The following DLG2 variants were observed in gnomAD, a reference collection of about 807,000 sequenced individuals.
DLG2 encodes disks large homolog 2.
A neutral mutation model predicts 132.5 loss-of-function variants in DLG2; 45 were observed. The observed-to-expected ratio is 0.34, with a 90% CI of 0.27 to 0.44. DLG2 has a LOEUF of 0.44. DLG2 is among the 20% of genes least tolerant of loss of function. The probability of loss-of-function intolerance (pLI) is 1.00; values close to 1 mark genes in which losing one functional copy is unlikely to be tolerated. For synonymous variants in DLG2, 424 were observed against 419.6 expected, an observed-to-expected ratio of 1.01 and a Z score of -0.13; for missense variants, 1,045 against 1,196.9, an observed-to-expected ratio of 0.87 and a Z score of 1.87.
chr11:84,811,823 C>T (rs2076591822), intron 6 of DLG2, among the ~76,000 whole-genome samples: 1 of 152,144 alleles, frequency 6.6e-6, no homozygotes. Context: ...TAAAGTAGCT[C>T]AGAATCTATT....
intron 6 of DLG2, among the ~76,000 whole-genome samples, chr11:84,873,615 A>C (rs570008697): frequency 6.6e-6 from 1 of 152,344 alleles, no homozygotes; most frequent in East Asian, 1.9e-4. Context: ...ATGAGAGAAC[A>C]AAGATTTCCT....
chr11:84,247,618 G>A (rs1269757004), intron 8 of DLG2, among the ~76,000 whole-genome samples: 1 of 151,992 alleles, frequency 6.6e-6, no homozygotes, highest in Non-Finnish European at 1.5e-5. Context: ...CTTACTTAAG[G>A]CATTTTCATG....
chr11:83,646,760 C>T (rs1004833319), intron 18 of DLG2: 54 of 152,326 alleles, frequency 3.5e-4, no homozygotes, highest in African/African-American at 1.3e-3. Context: ...CAATGCCCCT[C>T]TTAAGATGGG....
At chr11:84,187,839 C>T (rs963890983) in intron 8 of DLG2, among the ~76,000 whole-genome samples, 1 of 152,042 alleles carries the variant, frequency 6.6e-6, no homozygotes, top group African/African-American at 2.4e-5. Flanking sequence ...TATCTGACTG[C>T]TTTAAACATA....
chr11:85,131,352 G>C (rs2075693521), intron 5 of DLG2, among the ~76,000 whole-genome samples: 1 of 151,752 alleles, frequency 6.6e-6, no homozygotes. Flanking sequence ...TTATAATTTG[G>C]GAATAAATAA....
At chr11:85,076,076 C>G (rs2066504517) in intron 6 of DLG2, among the ~76,000 whole-genome samples, 1 of 151,878 alleles carries the variant, frequency 6.6e-6, no homozygotes, top group South Asian at 2.1e-4. Flanking sequence ...GCTTGTTGGT[C>G]AATCTTTCAT....
At chr11:83,580,639 G>A (rs2096954396) in intron 19 of DLG2, among the ~76,000 whole-genome samples, 1 of 152,138 alleles carries the variant, frequency 6.6e-6, no homozygotes, top group South Asian at 2.1e-4. Flanking sequence ...ATTACATTGG[G>A]TGATATATTT....
intron 4 of DLG2, among the ~76,000 whole-genome samples, chr11:85,157,468 C>T (rs1349688781): frequency 6.6e-6 from 1 of 152,078 alleles, no homozygotes; most frequent in Non-Finnish European, 1.5e-5. Context: ...ATGCATTTGA[C>T]ATTCCTGATT....
intron 18 of DLG2, among the ~76,000 whole-genome samples, chr11:83,782,348 C>G (rs2094862843): frequency 6.6e-6 from 1 of 152,178 alleles, no homozygotes; most frequent in South Asian, 2.1e-4. Flanking sequence ...TAGTCAAATT[C>G]ATATTGCATG....
chr11:84,871,877 G>T (rs1206706059), intron 6 of DLG2, among the ~76,000 whole-genome samples: 1 of 152,116 alleles, frequency 6.6e-6, no homozygotes, highest in Non-Finnish European at 1.5e-5. Context: ...GTTTCACCAT[G>T]TTGGCCAGGC....
At chr11:83,786,841 T>C (rs1347726158) in intron 17 of DLG2, 49 bp from the exon 18 acceptor site, 3 of 1,562,944 alleles carry the variant, frequency 1.9e-6, no homozygotes, top group Non-Finnish European at 2.6e-6. Flanking sequence ...AGGCATATTA[T>C]CCTGATAGAA....
intron 3 of DLG2, among the ~76,000 whole-genome samples, chr11:85,317,836 A>G (rs1048964768): frequency 6.6e-6 from 1 of 151,880 alleles, no homozygotes; most frequent in African/African-American, 2.4e-5. Flanking sequence ...GTAATGAAAT[A>G]TCTATATAAC....
At chr11:85,018,079 C>T (rs1320337700) in intron 6 of DLG2, among the ~76,000 whole-genome samples, 2 of 152,136 alleles carry the variant, frequency 1.3e-5, no homozygotes, top group Non-Finnish European at 2.9e-5. Flanking sequence ...TATAATGATG[C>T]TTGGCACAGG....
At chr11:83,766,624 A>G (rs963238666) in intron 18 of DLG2, among the ~76,000 whole-genome samples, 2 of 152,022 alleles carry the variant, frequency 1.3e-5, no homozygotes, top group Non-Finnish European at 2.9e-5. Flanking sequence ...CTGCCTGTTA[A>G]TTTGTGGGAA....
intron 3 of DLG2, among the ~76,000 whole-genome samples, chr11:85,538,755 C>T (rs1026763274): frequency 2.0e-5 from 3 of 151,804 alleles, no homozygotes; most frequent in Admixed American, 1.3e-4. Flanking sequence ...AAACCAAATA[C>T]TGCATGTTCT....
At chr11:83,631,962 C>T (rs1373338114) in intron 19 of DLG2, 2 of 152,162 alleles carry the variant, frequency 1.3e-5, no homozygotes, top group African/African-American at 2.4e-5. Context: ...AATGTCACTA[C>T]AAGACATGTT....
intron 6 of DLG2, among the ~76,000 whole-genome samples, chr11:84,604,374 G>T (rs1328483185): frequency 6.6e-6 from 1 of 151,854 alleles, no homozygotes; most frequent in Admixed American, 6.6e-5. Context: ...GGGGAGTAGG[G>T]TAGGGAAAGT....
At chr11:83,676,071 C>T (rs572075377) in intron 18 of DLG2, among the ~76,000 whole-genome samples, 12 of 152,312 alleles carry the variant, frequency 7.9e-5, no homozygotes, top group African/African-American at 2.9e-4. Context: ...CAGTTAAGGA[C>T]TCATAATGTC....
intron 4 of DLG2, among the ~76,000 whole-genome samples, chr11:85,167,517 A>G (rs2078539378): frequency 6.6e-6 from 1 of 152,108 alleles, no homozygotes; most frequent in South Asian, 2.1e-4. Flanking sequence ...TTCATTCCAG[A>G]GGAACCCTCC....
Sources: allele counts gnomAD v4.1 joint callset (sites outside exome capture counted in the v4.1 genomes callset), GRCh38; gene constraint gnomAD v4.1.1; transcripts MANE v1.5; gene names NCBI Gene and HGNC (gene_info 2026-07-23, HGNC 2026-07-21).